The following AZIN1 variants were observed in gnomAD, a reference collection of about 807,000 sequenced individuals.
The protein encoded by AZIN1 is antizyme inhibitor 1.
Under a neutral mutation model 47.4 loss-of-function variants are expected in AZIN1, and 12 were observed. That is an observed-to-expected ratio of 0.25 (90% CI 0.16 to 0.41). AZIN1 has a LOEUF of 0.41. Among genes scored for constraint, AZIN1 ranks in the 10% least tolerant of loss-of-function variants. The pLI is 1.00. For synonymous variants in AZIN1, 155 were observed against 176.3 expected (o/e 0.88, Z 0.96); for missense variants, 410 against 532.4 (o/e 0.77, Z 2.26).
chr8:102,860,702 C>T lies in AZIN1; in HGVS notation c.-233-2552G>A, dbSNP rs1353282020. Among the ~76,000 whole-genome samples, 2 of 152,210 alleles carry T rather than the reference C, an allele frequency of 1.3e-5. 1 individual carries two copies. Among genetic ancestry groups the T allele is most frequent in the Non-Finnish European group, 2.9e-5 (2 of 68,028 alleles). ...GTGCCCAACTACAAAAACTTTCTAT[C>T]ACTTTGACAGTAACTATTACAAACT... On this transcript the variant is annotated intron_variant, in intron 1 of 11. Transcript: ENST00000337198.
chr8:102,862,861 T>A (rs1391176321), intron 1 of AZIN1, among the ~76,000 whole-genome samples: 1 of 152,200 alleles, frequency 6.6e-6, no homozygotes, highest in African/African-American at 2.4e-5. Context: ...ACCAGCAGCT[T>A]TGTCTACGAA....
intron 1 of AZIN1, among the ~76,000 whole-genome samples, chr8:102,860,092 T>C (rs375368425): frequency 2.0e-5 from 3 of 152,110 alleles, no homozygotes; most frequent in South Asian, 4.1e-4. Flanking sequence ...TAAAAAAGCA[T>C]GAAGAAGGAC....
Position 102,828,633 on chromosome 8 carries a change from C to A in AZIN1, c.1281G>T (p.Lys427Asn), listed in dbSNP as rs1479011155. The A allele has an allele frequency of 6.2e-7, 1 of 1,611,450 alleles. No individual in the cohort carries two copies. Among genetic ancestry groups the A allele is most frequent in the Non-Finnish European group, 8.5e-7 (1 of 1,178,082 alleles). ...DAGITSDSMMKNFFFVPSCIQ... is the reference protein window; with the variant it reads ...DAGITSDSMMNNFFFVPSCIQ... Reference sequence around the variant, plus strand: ...TGCAAGAAGGCACAAAGAAGAAGTTCTTCATCATTGAGTCTGAAGTAATTC... The same window carrying A: ...TGCAAGAAGGCACAAAGAAGAAGTTATTCATCATTGAGTCTGAAGTAATTC... Residue 427 changes from lysine to asparagine, a missense_variant, in exon 12 of 12, where the codon AAG (lysine) becomes AAT (asparagine). By Grantham distance (94) the Lys-to-Asn change is moderately conservative. Coordinates refer to ENST00000337198, the MANE Select transcript of AZIN1 (RefSeq NM_148174.4).
intron 2 of AZIN1, among the ~76,000 whole-genome samples, chr8:102,852,900 A>T (rs1813008035): frequency 6.6e-6 from 1 of 152,240 alleles, no homozygotes; most frequent in Non-Finnish European, 1.5e-5. Flanking sequence ...AAGCACTTCA[A>T]CTTGGAAGAG....
chr8:102,836,019 T>C lies in AZIN1; in HGVS notation c.584+237A>G, dbSNP rs945674790. ...CTGCACTAACTGAATCAAAATATTA[T>C]TTGCTATTCTTTTTATTGTGGGGAA... is the stretch of plus-strand genomic sequence containing the variant. On this transcript the variant is annotated intron_variant, in intron 6 of 11. Transcript: ENST00000337198. 3.3e-5 allele frequency among the ~76,000 whole-genome samples: 5 copies of C among 152,218 alleles called. No individual in the cohort carries two copies. The East Asian group carries it at 5.8e-4, about 18-fold the overall frequency.
intron 1 of AZIN1, among the ~76,000 whole-genome samples, chr8:102,858,863 T>C (rs1813451906): frequency 6.6e-6 from 1 of 152,234 alleles, no homozygotes; most frequent in South Asian, 2.1e-4. Context: ...CTATACAACA[T>C]GGTAGGTGAG....
At chr8:102,833,467 TTTTTG>T (rs1243921939) in intron 8 of AZIN1, among the ~76,000 whole-genome samples, 1 of 136,616 alleles carries the variant, frequency 7.3e-6, no homozygotes, top group Admixed American at 7.1e-5. Context: ...CTGGTATTTG[TTTTTG>T]TTTTTTTTTA....
intron 2 of AZIN1, among the ~76,000 whole-genome samples, chr8:102,845,841 C>T (rs937287858): frequency 8.5e-5 from 13 of 152,078 alleles, no homozygotes; most frequent in African/African-American, 3.1e-4. Context: ...TAAATTGTGT[C>T]CTCACTTTAT....
chr8:102,861,970 A>AGT (rs1234576827), intron 1 of AZIN1, among the ~76,000 whole-genome samples: 1 of 151,654 alleles, frequency 6.6e-6, no homozygotes, highest in Non-Finnish European at 1.5e-5. Context: ...TGGGAAGCGG[A>AGT]GGTTGCAGTA....
intron 9 of AZIN1, among the ~76,000 whole-genome samples, chr8:102,832,490 AAGG>A (rs1230172559): frequency 6.6e-6 from 1 of 152,210 alleles, no homozygotes; most frequent in African/African-American, 2.4e-5. Context: ...CATGTGAGGT[AAGG>A]AGAACAGAAA....
intron 6 of AZIN1, among the ~76,000 whole-genome samples, chr8:102,835,744 C>A (rs754445051): frequency 4.6e-5 from 7 of 152,172 alleles, no homozygotes; most frequent in Non-Finnish European, 8.8e-5. Context: ...TAGCAATGGG[C>A]TGGCAAATAA....
chr8:102,843,199 C>T (rs1429649645), intron 3 of AZIN1, among the ~76,000 whole-genome samples: 3 of 118,718 alleles, frequency 2.5e-5, no homozygotes, highest in Admixed American at 8.7e-5. Flanking sequence ...GCGTGAGACT[C>T]GTCTCCAAAA....
At chr8:102,847,774 T>C (rs2131253528) in intron 2 of AZIN1, among the ~76,000 whole-genome samples, 1 of 152,194 alleles carries the variant, frequency 6.6e-6, no homozygotes, top group African/African-American at 2.4e-5. Flanking sequence ...TAGAAAACTC[T>C]TTGTTCATAG....
intron 2 of AZIN1, among the ~76,000 whole-genome samples, chr8:102,851,185 A>G (rs997205122): frequency 6.6e-6 from 1 of 152,232 alleles, no homozygotes; most frequent in Admixed American, 6.5e-5. Context: ...AACATTAAAG[A>G]TAACTATTAC....
chr8:102,860,802 T>C (rs1459035531), intron 1 of AZIN1, among the ~76,000 whole-genome samples: 1 of 152,230 alleles, frequency 6.6e-6, no homozygotes, highest in Non-Finnish European at 1.5e-5. Flanking sequence ...CGTTCTGTGG[T>C]ATTCTTTGTA....
At chr8:102,852,005 CTTTTA>C (rs1431912229) in intron 2 of AZIN1, among the ~76,000 whole-genome samples, 1 of 152,090 alleles carries the variant, frequency 6.6e-6, no homozygotes, top group African/African-American at 2.4e-5. Context: ...TTGTTTTTGC[CTTTTA>C]TTTATCTGAA....
chr8:102,828,746 G>T, intron 11 of AZIN1, 68 bp from the exon 12 acceptor site: 1 of 950,356 alleles, frequency 1.1e-6, no homozygotes, highest in Non-Finnish European at 1.6e-6. Flanking sequence ...CATAACAAAT[G>T]GATAATAAAA....
chr8:102,860,323 C>T (rs139045917), intron 1 of AZIN1, among the ~76,000 whole-genome samples: 7,081 of 152,128 alleles, frequency 0.047, 405 homozygotes, highest in East Asian at 0.2. Context: ...AGTGCAGTGG[C>T]GCGATCTTGG....
Position 102,863,975 on chromosome 8 carries a change from G to C in AZIN1, c.-402C>G, listed in dbSNP as rs927172023. ...GCACCGACACCAGCTGTGTGCAGCAGTGGCGGCGGCGGCCGAAGGAGAAAT... is the reference window on the plus strand; with the variant it reads ...GCACCGACACCAGCTGTGTGCAGCACTGGCGGCGGCGGCCGAAGGAGAAAT... On this transcript the variant is annotated 5_prime_UTR_variant, in exon 1 of 12. Coordinates refer to ENST00000337198, the MANE Select transcript of AZIN1 (RefSeq NM_148174.4). The C allele has an allele frequency of 6.4e-6, 1 of 155,162 alleles. No homozygotes were observed. The highest frequency in any genetic ancestry group is 1.4e-5 in the Non-Finnish European group (1 of 69,750). The allele number at this position is 155,162 out of a possible 1,614,324, so 9.6% of individuals were successfully genotyped here.
Sources: allele counts gnomAD v4.1 joint callset (sites outside exome capture counted in the v4.1 genomes callset), GRCh38; gene constraint gnomAD v4.1.1; transcripts MANE v1.5; gene names NCBI Gene and HGNC (gene_info 2026-07-23, HGNC 2026-07-21).